The following LY75 variants were observed in gnomAD, a reference collection of about 807,000 sequenced individuals.
LY75 encodes C-type lectin domain family 13 member B.
Under a neutral mutation model 231.7 loss-of-function variants are expected in LY75, and 185 were observed. The ratio of observed to expected loss-of-function variants is 0.80; its 90% CI spans 0.71 to 0.90. The LOEUF is 0.90. Ranked by LOEUF, LY75 falls within the 40% of genes least tolerant of loss-of-function variation. LY75 has a pLI of 0.00. For missense variants in LY75, 1,947 were observed against 2,050.2 expected, an observed-to-expected ratio of 0.95 and a Z score of 0.97; for synonymous variants, 668 against 689.0, an observed-to-expected ratio of 0.97 and a Z score of 0.48.
intron 32 of LY75, among the ~76,000 whole-genome samples, 193 bp downstream of exon 32, chr2:159,810,333 A>G (rs931641672): frequency 6.6e-6 from 1 of 152,178 alleles, no homozygotes; most frequent in Non-Finnish European, 1.5e-5. Context: ...CTATTCCAAT[A>G]TTTCATTGAG....
chr2:159,875,632 C>T lies in LY75; in HGVS notation c.1786G>A (p.Gly596Ser), dbSNP rs779693856. The T allele has an allele frequency of 1.9e-5, 30 of 1,613,690 alleles. No homozygotes were observed. In the East Asian group the frequency reaches 2.9e-4, roughly 16 times the overall value. Residue 596 changes from glycine to serine, a missense_variant, in exon 12 of 35, where the codon GGC becomes AGC. Gly to Ser is a moderately conservative substitution (Grantham distance 56). Coordinates refer to ENST00000263636, the MANE Select transcript of LY75 (RefSeq NM_002349.4). ...TTTCCAGTAGACATAGCCACGCAGC[C>T]GCCCGGGGAAGCTGGGATTGAAGTG... ...WNFLEPASPG[G>S]CVAMSTGKSV...
rs1317401708 is a variant in LY75, at chr2:159,870,437, C to G, written c.2117+2014G>C. ...CTGTACCTCAGCCTGAGTGACAAAA[C>G]AAGACTGTCTCAAAAAACAAAACAA... On this transcript the variant is annotated intron_variant, in intron 13 of 34. Coordinates refer to ENST00000263636, the MANE Select transcript of LY75 (RefSeq NM_002349.4). Among the ~76,000 whole-genome samples the G allele has an allele frequency of 2.4e-4, 29 of 122,232 alleles. No individual in the cohort carries two copies. The Admixed American group carries it at 2.7e-3, about 12-fold the overall frequency. 80.2% of individuals were successfully genotyped at this position (122,232 alleles called of 152,430 possible).
chr2:159,865,030 AAAG>A, intron 13 of LY75, 110 bp from the exon 14 acceptor site: 1 of 966,874 alleles, frequency 1.0e-6, no homozygotes, highest in African/African-American at 1.7e-5. Flanking sequence ...CAAGCAACAT[AAAG>A]AAGTCTTTTG....
chr2:159,863,816 G>A (rs914245178), intron 14 of LY75, among the ~76,000 whole-genome samples: 1 of 152,132 alleles, frequency 6.6e-6, no homozygotes, highest in African/African-American at 2.4e-5. Flanking sequence ...GTGAATACTG[G>A]CATTCAGATC....
At position 159,885,269 on chromosome 2, in the gene LY75, C is replaced by A. The variant is rs1685549775; in HGVS notation, c.938G>T (p.Gly313Val). The change falls in exon 6 of 35, where the codon GGT becomes GTT. Residue 313 changes from glycine to valine, a missense_variant. By Grantham distance (109) the Gly-to-Val change is moderately radical. Coordinates refer to ENST00000263636, the MANE Select transcript of LY75 (RefSeq NM_002349.4). ...DPDRPSAPTI[G>V]GSSCARMDAE... ...ATCCATTCTTGCACAGCTGGAGCCA[C>A]CTATAGTAGGTGCACTGGGCCTGTC... is the stretch of plus-strand genomic sequence containing the variant. The A allele has an allele frequency of 1.2e-6, 2 of 1,613,380 alleles. No homozygotes were observed. The highest frequency in any genetic ancestry group is 1.3e-5 in the African/African-American group (1 of 74,866).
intron 28 of LY75, among the ~76,000 whole-genome samples, chr2:159,828,085 C>A (rs1305730083): frequency 1.3e-5 from 2 of 151,092 alleles, no homozygotes; most frequent in African/African-American, 4.9e-5. Flanking sequence ...TACACATGTA[C>A]CCCAGAACTT....
chr2:159,853,382 G>T, intron 19 of LY75, 30 bp from the exon 20 acceptor site: 1 of 1,608,492 alleles, frequency 6.2e-7, no homozygotes, highest in Non-Finnish European at 8.5e-7. Context: ...TTGACAACTC[G>T]TAATGTAATT....
At chr2:159,846,112 G>A (rs1684194628) in intron 23 of LY75, among the ~76,000 whole-genome samples, 1 of 151,554 alleles carries the variant, frequency 6.6e-6, no homozygotes, top group African/African-American at 2.4e-5. Context: ...GAAAGTATAT[G>A]TAATAAATGA....
intron 12 of LY75, 46 bp from the exon 13 acceptor site, chr2:159,872,639 G>C: frequency 6.3e-7 from 1 of 1,588,448 alleles, no homozygotes; most frequent in Non-Finnish European, 8.6e-7. Flanking sequence ...TTATCATAAA[G>C]TATTTCATAG....
At position 159,850,375 on chromosome 2, in the gene LY75, G is replaced by T. The variant is rs1408966059; in HGVS notation, c.2976C>A (p.Ser992Arg). The T allele has an allele frequency of 8.7e-6, 14 of 1,613,486 alleles. No homozygotes were observed. Among genetic ancestry groups the T allele is most frequent in the Non-Finnish European group, 1.2e-5 (14 of 1,179,700 alleles). ...TAATTCCAGTACCTTGTTCAATCTG[G>T]CTCAACACTGAAGGAAGGGTGCCAC... Reference protein sequence around the residue: ...SYGGTLPSVLSQIEQDFITSL... With the variant: ...SYGGTLPSVLRQIEQDFITSL... Residue 992 changes from serine (S) to arginine (R), a missense_variant, in exon 22 of 35, where the codon AGC (serine) becomes AGA (arginine). Transcript: ENST00000263636.
intron 14 of LY75, 116 bp from the exon 15 acceptor site, chr2:159,861,005 C>A: frequency 1.0e-6 from 1 of 1,002,108 alleles, no homozygotes. Context: ...AGAAAGAAAA[C>A]TTTTCCATCT....
At chr2:159,880,969 G>T in intron 8 of LY75, 114 bp downstream of exon 8, 1 of 1,310,818 alleles carries the variant, frequency 7.6e-7, no homozygotes, top group Non-Finnish European at 1.0e-6. Flanking sequence ...CTGATCCAGA[G>T]TGCTCTTACC....
At chr2:159,848,677 G>T (rs1365945976) in intron 23 of LY75, among the ~76,000 whole-genome samples, 1 of 152,126 alleles carries the variant, frequency 6.6e-6, no homozygotes, top group Non-Finnish European at 1.5e-5. Flanking sequence ...AACAGTGTAT[G>T]GAAAAGCCCT....
intron 28 of LY75, among the ~76,000 whole-genome samples, chr2:159,826,254 A>G (rs576290396): frequency 6.6e-6 from 1 of 152,364 alleles, no homozygotes; most frequent in Non-Finnish European, 1.5e-5. Flanking sequence ...GAACCTCAGC[A>G]AAGTCTCAAG....
At position 159,817,030 on chromosome 2, in the gene LY75, C is replaced by A. The variant is rs775014722; in HGVS notation, c.4156G>T (p.Asp1386Tyr). The A allele has an allele frequency of 1.9e-6, 3 of 1,591,800 alleles. No individual in the cohort carries two copies. Among genetic ancestry groups the A allele is most frequent in the South Asian group, 2.3e-5 (2 of 86,570 alleles). ...GTAGTATTATATTCTTCTTTGTAGT[C>A]AACTATAATAATTAAAAGCACTGGT... ...SILACKIEMV[D>Y]YKEEYNTTLP... is the part of the protein sequence containing the mutation. The change falls in exon 30 of 35, where the codon GAC (aspartate) becomes TAC (tyrosine). Residue 1386 changes from aspartate to tyrosine, a missense_variant and splice_region_variant. Coordinates refer to ENST00000263636, the MANE Select transcript of LY75 (RefSeq NM_002349.4).
chr2:159,851,612 CCT>C (rs1356236738), intron 21 of LY75, among the ~76,000 whole-genome samples: 2 of 152,314 alleles, frequency 1.3e-5, no homozygotes, highest in East Asian at 3.9e-4. Context: ...ACTGTAGCAA[CCT>C]CTTTTCAGAA....
chr2:159,871,974 T>C (rs79586469), intron 13 of LY75: 1,529 of 152,602 alleles, frequency 0.01, 14 homozygotes, highest in Admixed American at 0.026. Context: ...CTAATTTGTA[T>C]GACTCATTTC....
At chr2:159,810,279 G>T (rs543787130) in intron 32 of LY75, among the ~76,000 whole-genome samples, 1 of 151,212 alleles carries the variant, frequency 6.6e-6, no homozygotes, top group African/African-American at 2.4e-5. Context: ...TGATCTGCCC[G>T]CCTTGGCCTC....
chr2:159,815,719 G>T, intron 30 of LY75, 146 bp from the exon 31 acceptor site: 1 of 994,072 alleles, frequency 1.0e-6, no homozygotes, highest in Non-Finnish European at 1.4e-6. Flanking sequence ...TACTATTATT[G>T]TAGGTCTGAT....
Sources: gnomAD v4.1 joint callset for allele counts (sites outside exome capture counted in the v4.1 genomes callset) on GRCh38, gnomAD v4.1.1 for gene constraint, MANE v1.5 for transcripts, NCBI Gene and HGNC (gene_info 2026-07-23, HGNC 2026-07-21) for gene names.